MIGA1: variants seen among roughly 807,000 people sequenced by gnomAD.
The protein encoded by MIGA1 is mitoguardin 1.
In MIGA1, 58 loss-of-function variants were observed where a neutral mutation model predicts 82.0. That is an observed-to-expected ratio of 0.71 (90% CI 0.57 to 0.88). The LOEUF is 0.88. MIGA1 is among the 40% of genes least tolerant of loss of function. The pLI is 0.00. For missense variants in MIGA1, 751 were observed against 749.1 expected, an observed-to-expected ratio of 1.00 and a Z score of -0.03; for synonymous variants, 249 against 253.6, an observed-to-expected ratio of 0.98 and a Z score of 0.17.
intron 7 of MIGA1, among the ~76,000 whole-genome samples, chr1:77,825,895 C>G (rs1012628169): frequency 8.6e-5 from 13 of 152,016 alleles, no homozygotes; most frequent in Non-Finnish European, 5.9e-5. Context: ...TCTTGCTAGC[C>G]GAGACATTAA....
intron 3 of MIGA1, among the ~76,000 whole-genome samples, chr1:77,801,803 A>G (rs1682896280): frequency 6.6e-6 from 1 of 152,192 alleles, no homozygotes; most frequent in South Asian, 2.1e-4. Context: ...CAAGTAAATT[A>G]TTTATGTATT....
chr1:77,787,730 T>C (rs1022186213), intron 2 of MIGA1, among the ~76,000 whole-genome samples: 13 of 152,144 alleles, frequency 8.5e-5, no homozygotes, highest in African/African-American at 2.7e-4. Context: ...TCGTGGAGTT[T>C]TAGTTCTCTG....
At chr1:77,822,845 T>G (rs1190026041) in intron 7 of MIGA1, among the ~76,000 whole-genome samples, 2 of 149,826 alleles carry the variant, frequency 1.3e-5, no homozygotes, top group East Asian at 3.9e-4. Context: ...GTTTTTTTTT[T>G]TTTTTTTTTT....
intron 4 of MIGA1, among the ~76,000 whole-genome samples, chr1:77,804,972 C>T (rs1163207859): frequency 6.7e-6 from 1 of 148,150 alleles, no homozygotes; most frequent in Non-Finnish European, 1.5e-5. Context: ...ATATTCTGTT[C>T]TGTACCTTGC....
intron 1 of MIGA1, 77 bp downstream of exon 1, chr1:77,779,813 C>A: frequency 6.8e-7 from 1 of 1,477,036 alleles, no homozygotes; most frequent in South Asian, 1.3e-5. Flanking sequence ...GCAGTTGGGG[C>A]AGAGGCCTCG....
Position 77,871,505 on chromosome 1 carries a change from A to G in MIGA1, c.1564-1499A>G, listed in dbSNP as rs568506224. ...CGACAGAGTGAGACTCCGTCTCAGA[A>G]AAAAAAAAAGAAAAGAAAATGAGGT... On this transcript the variant is annotated intron_variant, in intron 14 of 15. Coordinates refer to ENST00000370791, the MANE Select transcript of MIGA1 (RefSeq NM_198549.4). Among the ~76,000 whole-genome samples, 6 of 150,896 alleles carry G rather than the reference A, an allele frequency of 4.0e-5. No homozygotes were observed. The South Asian group carries it at 1.3e-3, about 32-fold the overall frequency.
intron 8 of MIGA1, chr1:77,848,376 G>A (rs1684922405): frequency 1.8e-6 from 2 of 1,103,738 alleles, no homozygotes; most frequent in Non-Finnish European, 2.7e-6. Flanking sequence ...GAAAAGCAAA[G>A]CAAAGGAAGA....
chr1:77,872,863 G>A, intron 14 of MIGA1, 141 bp from the exon 15 acceptor site: 3 of 966,300 alleles, frequency 3.1e-6, no homozygotes. Flanking sequence ...AGTTTGAGGT[G>A]TTGCTAGACT....
chr1:77,823,929 T>A (rs559590466), intron 7 of MIGA1, among the ~76,000 whole-genome samples: 30 of 152,358 alleles, frequency 2.0e-4, no homozygotes, highest in African/African-American at 6.7e-4. Context: ...GTGAATAGCC[T>A]ATAAACCATA....
chr1:77,821,544 C>T (rs1437789031), intron 7 of MIGA1, among the ~76,000 whole-genome samples: 1 of 151,876 alleles, frequency 6.6e-6, no homozygotes, highest in Admixed American at 6.6e-5. Flanking sequence ...TACAGGCATG[C>T]ACCACCATGC....
At position 77,782,896 on chromosome 1, in the gene MIGA1, A is replaced by G. The variant is rs116797572; in HGVS notation, c.82-342A>G. On this transcript the variant is annotated intron_variant, in intron 1 of 15. Transcript: ENST00000370791. Reference sequence around the variant, plus strand: ...CAAATGAATGAGAAGTAAATTTTAAATTACTCCCTAAAAAGTGTTAAATTT... The same window carrying G: ...CAAATGAATGAGAAGTAAATTTTAAGTTACTCCCTAAAAAGTGTTAAATTT... 208 of 977,360 alleles carry G rather than the reference A, an allele frequency of 2.1e-4. 1 individual carries two copies. The African/African-American group carries it at 3.0e-3, about 14-fold the overall frequency. The allele number at this position is 977,360 out of a possible 1,614,324, so 60.5% of individuals were successfully genotyped here.
At chr1:77,824,983 CTTT>C (rs11375207) in intron 7 of MIGA1, among the ~76,000 whole-genome samples, 9 of 103,146 alleles carry the variant, frequency 8.7e-5, no homozygotes, top group Non-Finnish European at 1.5e-4. Context: ...TTCTATTCCT[CTTT>C]TTTTTTTTTT....
chr1:77,843,204 C>A, intron 7 of MIGA1, 103 bp from the exon 8 acceptor site: 1 of 758,740 alleles, frequency 1.3e-6, no homozygotes, highest in Non-Finnish European at 2.2e-6. Context: ...CACTAGTAGT[C>A]TAAATAAAGA....
intron 7 of MIGA1, among the ~76,000 whole-genome samples, chr1:77,839,606 C>G (rs1365200868): frequency 6.6e-6 from 1 of 151,926 alleles, no homozygotes; most frequent in Non-Finnish European, 1.5e-5. Flanking sequence ...TCCTGGGGCT[C>G]AAGTGATCCT....
intron 2 of MIGA1, 75 bp downstream of exon 2, chr1:77,783,426 G>T: frequency 1.2e-6 from 1 of 863,370 alleles, no homozygotes. Context: ...CATTATTTCA[G>T]TTTTATTTGA....
intron 8 of MIGA1, among the ~76,000 whole-genome samples, chr1:77,849,785 C>T (rs1384329295): frequency 6.6e-6 from 1 of 152,006 alleles, no homozygotes; most frequent in Admixed American, 6.6e-5. Flanking sequence ...GCCTGTAATC[C>T]CAGCACTTTG....
chr1:77,796,899 A>C (rs1682679645), intron 2 of MIGA1, among the ~76,000 whole-genome samples: 1 of 152,082 alleles, frequency 6.6e-6, no homozygotes. Flanking sequence ...GTCCATCACC[A>C]CAGCACCAAA....
At chr1:77,793,116 G>GT (rs1315031630) in intron 2 of MIGA1, among the ~76,000 whole-genome samples, 2 of 150,392 alleles carry the variant, frequency 1.3e-5, no homozygotes, top group African/African-American at 4.9e-5. Flanking sequence ...TATGTTTTTT[G>GT]TTTTTTAAAG....
intron 12 of MIGA1, chr1:77,861,548 C>T (rs2101941972): frequency 4.5e-6 from 2 of 444,676 alleles, no homozygotes; most frequent in Non-Finnish European, 8.0e-6. Flanking sequence ...TCCTTGCTTC[C>T]TTCCCTCCTG....
Sources: gnomAD v4.1 joint callset for allele counts (sites outside exome capture counted in the v4.1 genomes callset) on GRCh38, gnomAD v4.1.1 for gene constraint, MANE v1.5 for transcripts, NCBI Gene and HGNC (gene_info 2026-07-23, HGNC 2026-07-21) for gene names.